The following PPP2R2A variants were observed in gnomAD, a reference collection of about 807,000 sequenced individuals.
PPP2R2A encodes the protein protein phosphatase 2 regulatory subunit Balpha, also known as serine/threonine-protein phosphatase 2A 55 kDa regulatory subunit B alpha isoform.
PPP2R2A carries 9 observed loss-of-function variants against 53.2 expected under a neutral mutation model. That is an observed-to-expected ratio of 0.17 (90% CI 0.10 to 0.30). The LOEUF is 0.30. PPP2R2A is among the 10% of genes least tolerant of loss of function. PPP2R2A has a pLI of 1.00. For missense variants in PPP2R2A, 235 were observed against 534.6 expected (o/e 0.44, Z 5.53); for synonymous variants, 169 against 174.2 (o/e 0.97, Z 0.23).
chr8:26,310,491 T>C (rs952483049), intron 2 of PPP2R2A, among the ~76,000 whole-genome samples: 1 of 151,732 alleles, frequency 6.6e-6, no homozygotes, highest in Non-Finnish European at 1.5e-5. Flanking sequence ...TATGAGAAGA[T>C]AAATGGCTGT....
intron 1 of PPP2R2A, 101 bp from the exon 2 acceptor site, chr8:26,293,565 C>A: frequency 1.7e-6 from 2 of 1,145,644 alleles, no homozygotes; most frequent in South Asian, 1.5e-5. Context: ...GTGGGCAGAA[C>A]TAGGCTGTTA....
At chr8:26,322,315 C>T (rs751485195) in intron 2 of PPP2R2A, among the ~76,000 whole-genome samples, 18 of 152,216 alleles carry the variant, frequency 1.2e-4, no homozygotes, top group East Asian at 7.7e-4. Flanking sequence ...CATTTGTTTT[C>T]GTTGATTTTC....
intron 4 of PPP2R2A, among the ~76,000 whole-genome samples, chr8:26,359,628 CT>C (rs1332187609): frequency 2.4e-5 from 3 of 127,502 alleles, no homozygotes; most frequent in Non-Finnish European, 5.0e-5. Context: ...CTTGTGAACC[CT>C]GATACAAGAA....
intron 3 of PPP2R2A, among the ~76,000 whole-genome samples, chr8:26,344,788 T>A (rs528932619): frequency 2.6e-5 from 4 of 152,200 alleles, no homozygotes; most frequent in Non-Finnish European, 4.4e-5. Flanking sequence ...GTACCTAATT[T>A]TACCCGTTGA....
rs73675952 is a variant in PPP2R2A at position 26,311,662 on chromosome 8, G to A, written c.82+17922G>A. On this transcript the variant is annotated intron_variant, in intron 2 of 9. Transcript: ENST00000380737. ...ACCACTGCACTCCAGTCTGGGCAAC[G>A]TAGCATGACCCTGTCTCTGAAACAA... 4.7e-3 allele frequency among the ~76,000 whole-genome samples: 709 copies of A among 152,226 alleles called. 4 individuals are homozygous for A. The highest frequency in any genetic ancestry group is 0.016 in the African/African-American group (666 of 41,516).
At chr8:26,334,917 C>A (rs972264186) in intron 2 of PPP2R2A, among the ~76,000 whole-genome samples, 5 of 152,094 alleles carry the variant, frequency 3.3e-5, no homozygotes, top group African/African-American at 1.2e-4. Flanking sequence ...TTTAGCCAGC[C>A]CTGTTTGGGT....
intron 4 of PPP2R2A, among the ~76,000 whole-genome samples, chr8:26,358,580 C>G (rs1804913276): frequency 6.6e-6 from 1 of 152,168 alleles, no homozygotes; most frequent in Admixed American, 6.5e-5. Flanking sequence ...TATCATTCTT[C>G]TGTACGATAC....
chr8:26,352,857 T>C (rs1405866765), intron 3 of PPP2R2A, among the ~76,000 whole-genome samples: 1 of 152,226 alleles, frequency 6.6e-6, no homozygotes, highest in Non-Finnish European at 1.5e-5. Context: ...CTTAATTGTG[T>C]AGACCATAAC....
chr8:26,367,630 C>T (rs1805449692), intron 9 of PPP2R2A, among the ~76,000 whole-genome samples: 1 of 152,214 alleles, frequency 6.6e-6, no homozygotes, highest in Admixed American at 6.5e-5. Context: ...TGCGCATGTG[C>T]TCACATGCAA....
rs79524250 is a variant in PPP2R2A, at chr8:26,318,927, T to C, written c.83-19963T>C. On this transcript the variant is annotated intron_variant, in intron 2 of 9. Transcript: ENST00000380737. ...TTCAGTGTCATTAAGTGCATACAAA[T>C]CTGTTGTGCAGCCATCGCCACCATC... Among the ~76,000 whole-genome samples, 3 of 152,290 alleles carry C rather than the reference T, an allele frequency of 2.0e-5. No homozygotes were observed. In the East Asian group the frequency reaches 5.8e-4, roughly 29 times the overall value.
chr8:26,298,394 A>G (rs766590175), intron 2 of PPP2R2A, among the ~76,000 whole-genome samples: 8 of 152,066 alleles, frequency 5.3e-5, no homozygotes, highest in Non-Finnish European at 1.0e-4. Context: ...TGGTATTTCT[A>G]TATCTTGTCA....
In PPP2R2A at chr8:26,360,959, G is replaced by A; in HGVS notation, c.460-15G>A. The A allele has an allele frequency of 6.4e-7, 1 of 1,568,934 alleles. No homozygotes were observed. The highest frequency in any genetic ancestry group is 8.6e-7 in the Non-Finnish European group (1 of 1,168,360). On this transcript the variant is annotated splice_polypyrimidine_tract_variant and intron_variant, in intron 5 of 9. Transcript: ENST00000380737. The surrounding 1 kb of genome is among the most constrained non-coding windows in gnomAD (Gnocchi z 4.5). Reference sequence around the variant, plus strand: ...GCCTTTTGTAATTTCTGTTTTTCATGTGTCTTATTGACAGGTGCCAGTCTT... The same window carrying A: ...GCCTTTTGTAATTTCTGTTTTTCATATGTCTTATTGACAGGTGCCAGTCTT...
chr8:26,361,452 T>G (rs971903296), intron 6 of PPP2R2A, among the ~76,000 whole-genome samples: 5 of 152,144 alleles, frequency 3.3e-5, no homozygotes, highest in Non-Finnish European at 5.9e-5. Flanking sequence ...AAAATCACAT[T>G]TGTGAGGTCT....
chr8:26,367,834 A>G (rs767589057), intron 9 of PPP2R2A, among the ~76,000 whole-genome samples: 6 of 152,186 alleles, frequency 3.9e-5, no homozygotes, highest in Non-Finnish European at 5.9e-5. Context: ...TACTGTAACT[A>G]TGTCCTTTAT....
At chr8:26,303,068 T>C (rs1368015122) in intron 2 of PPP2R2A, among the ~76,000 whole-genome samples, 2 of 152,176 alleles carry the variant, frequency 1.3e-5, no homozygotes, top group East Asian at 3.8e-4. Flanking sequence ...AGTGTACTGC[T>C]TTTGTGGATG....
chr8:26,302,338 A>G (rs925718676), intron 2 of PPP2R2A, among the ~76,000 whole-genome samples: 5 of 152,228 alleles, frequency 3.3e-5, no homozygotes, highest in African/African-American at 7.2e-5. Context: ...CCCAATACTT[A>G]AAATATTTTT....
intron 2 of PPP2R2A, among the ~76,000 whole-genome samples, chr8:26,315,003 C>A (rs1212893528): frequency 1.4e-5 from 2 of 147,872 alleles, no homozygotes; most frequent in Non-Finnish European, 3.0e-5. Flanking sequence ...TTTAAGAGCT[C>A]TTTTGCTCTT....
intron 2 of PPP2R2A, among the ~76,000 whole-genome samples, chr8:26,296,168 T>G (rs772054435): frequency 2.0e-5 from 3 of 152,232 alleles, no homozygotes; most frequent in Non-Finnish European, 4.4e-5. Flanking sequence ...ATTCCCTGCT[T>G]CTTCGTCCTG....
intron 4 of PPP2R2A, chr8:26,358,796 A>G (rs1239313904): frequency 2.7e-6 from 1 of 366,574 alleles, no homozygotes; most frequent in African/African-American, 2.1e-5. Flanking sequence ...ATACAAATAA[A>G]CAATTGAATG....
Sources: allele counts gnomAD v4.1 joint callset (sites outside exome capture counted in the v4.1 genomes callset), GRCh38; gene constraint gnomAD v4.1.1; non-coding constraint Gnocchi (gnomAD v3.1); transcripts MANE v1.5; gene names NCBI Gene and HGNC (gene_info 2026-07-23, HGNC 2026-07-21).